Variants in GLG1 observed in about 807,000 individuals in gnomAD.
GLG1 encodes Golgi apparatus protein 1.
GLG1 carries 38 observed loss-of-function variants against 160.5 expected under a neutral mutation model. The ratio of observed to expected loss-of-function variants is 0.24; its 90% confidence interval spans 0.18 to 0.31. The LOEUF (loss-of-function observed/expected upper bound fraction) is 0.31. Among genes scored for constraint, GLG1 ranks in the 10% least tolerant of loss-of-function variants. The pLI is 1.00. For missense variants in GLG1, 1,373 were observed against 1,505.2 expected (o/e 0.91, Z 1.45); for synonymous variants, 644 against 543.4 (o/e 1.19, Z -2.57).
At chr16:74,479,147 C>T (rs1018104938) in intron 11 of GLG1, among the ~76,000 whole-genome samples, 13 of 130,596 alleles carry the variant, frequency 1.0e-4, no homozygotes, top group African/African-American at 3.8e-4. Context: ...ATCACTTGAG[C>T]CAGGAGGAAG....
At chr16:74,465,083 C>T (rs147876180) in intron 19 of GLG1, among the ~76,000 whole-genome samples, 2,230 of 152,252 alleles carry the variant, frequency 0.015, 19 homozygotes, top group Admixed American at 0.018. Context: ...AGGTGATCCT[C>T]CCGCCTTGGC....
At chr16:74,516,156 A>C (rs1436291446) in intron 2 of GLG1, among the ~76,000 whole-genome samples, 3 of 151,624 alleles carry the variant, frequency 2.0e-5, no homozygotes, top group African/African-American at 7.3e-5. Context: ...CGAGACAGAA[A>C]GTTAAGAAGG....
chr16:74,568,960 C>T (rs1161015899), intron 1 of GLG1, among the ~76,000 whole-genome samples: 1 of 152,200 alleles, frequency 6.6e-6, no homozygotes, highest in East Asian at 1.9e-4. Context: ...AAAGGGGGTA[C>T]ATACCCAAGA....
intron 11 of GLG1, among the ~76,000 whole-genome samples, chr16:74,479,073 A>T (rs865811855): frequency 6.0e-5 from 8 of 134,312 alleles, no homozygotes; most frequent in African/African-American, 2.2e-4. Context: ...AAAAAAAAAA[A>T]AAAAAGCCAG....
At chr16:74,598,926 T>C (rs1958372004) in intron 1 of GLG1, among the ~76,000 whole-genome samples, 2 of 151,642 alleles carry the variant, frequency 1.3e-5, no homozygotes, top group East Asian at 1.9e-4. Context: ...ATATAACTTA[T>C]ATAAAGAGGA....
chr16:74,453,480 G>A (rs2014407434), intron 25 of GLG1, 146 bp from the exon 26 acceptor site: 2 of 610,180 alleles, frequency 3.3e-6, no homozygotes, highest in Non-Finnish European at 5.9e-6. Flanking sequence ...AATCAACACA[G>A]AGCTACAACT....
chr16:74,571,110 T>C (rs2018814458), intron 1 of GLG1, among the ~76,000 whole-genome samples: 1 of 152,090 alleles, frequency 6.6e-6, no homozygotes, highest in Admixed American at 6.6e-5. Context: ...TCCGTATTGA[T>C]TTTTGGACCC....
intron 15 of GLG1, 96 bp from the exon 16 acceptor site, chr16:74,470,169 T>G: frequency 1.3e-6 from 1 of 769,314 alleles, no homozygotes; most frequent in South Asian, 1.4e-5. Context: ...ACAAGCCTGT[T>G]TACAAGACCC....
rs781674410 is a variant in GLG1 at position 74,467,855 on chromosome 16, G to A, written c.2437-7C>T. 5 of 1,593,150 alleles carry A rather than the reference G, an allele frequency of 3.1e-6. No individual in the cohort carries two copies. In the South Asian group the frequency reaches 5.6e-5, roughly 18 times the overall value. ...CCAAGCGGATGTCCTCCGTCTGCAT[G>A]AGGGAGCCAGCATGGAAAGGTGAGC... On this transcript the variant is annotated splice_polypyrimidine_tract_variant and splice_region_variant and intron_variant, in intron 17 of 25. Transcript: ENST00000422840.
At chr16:74,602,538 C>A (rs1958462693) in intron 1 of GLG1, among the ~76,000 whole-genome samples, 1 of 152,210 alleles carries the variant, frequency 6.6e-6, no homozygotes, top group Non-Finnish European at 1.5e-5. Flanking sequence ...AATCCCAGCA[C>A]TTTGGGAGGC....
intron 18 of GLG1, among the ~76,000 whole-genome samples, chr16:74,467,283 C>A (rs2015034055): frequency 6.6e-6 from 1 of 152,142 alleles, no homozygotes; most frequent in South Asian, 2.1e-4. Context: ...TTTTAAAAAT[C>A]ATTTGTTTGT....
chr16:74,494,287 T>C (rs1478968990), intron 6 of GLG1, among the ~76,000 whole-genome samples: 1 of 152,100 alleles, frequency 6.6e-6, no homozygotes, highest in Non-Finnish European at 1.5e-5. Flanking sequence ...TTTCTTGGTT[T>C]CAGCCAAATA....
rs905099016 is a variant in GLG1 at position 74,472,278 on chromosome 16, G to C, written c.2115+71C>G. The C allele has an allele frequency of 6.1e-6, 6 of 988,688 alleles. No individual in the cohort carries two copies. The African/African-American group carries it at 6.4e-5, about 11-fold the overall frequency. 61.2% of individuals were successfully genotyped at this position (988,688 alleles called of 1,614,324 possible). A position where few individuals can be genotyped will look rare whatever the true frequency, so the allele number is the denominator to read the frequency against. The stretch of plus-strand genomic sequence containing the variant: ...ACATGCTGCAGACAGAGGTGAGTCT[G>C]AGATACTCAGGGGAGAGTCCCTGTC... On this transcript the variant is annotated intron_variant, in intron 14 of 25. Transcript: ENST00000422840.
rs553427493 is a variant in GLG1, at chr16:74,448,055, G to T, written c.*5112C>A. 206 of 152,520 alleles carry T rather than the reference G, an allele frequency of 1.4e-3. No homozygotes were observed. The highest frequency in any genetic ancestry group is 2.0e-3 in the Non-Finnish European group (133 of 68,172). 9.4% of individuals were successfully genotyped at this position (152,520 alleles called of 1,614,324 possible). On this transcript the variant is annotated 3_prime_UTR_variant, in exon 26 of 26. Transcript: ENST00000422840. ...GATCCTGTCACCACCAGCCTGAGCAGACAGTCCCATCTTTGTGATCCAGGT... is the reference window on the plus strand; with the variant it reads ...GATCCTGTCACCACCAGCCTGAGCATACAGTCCCATCTTTGTGATCCAGGT...
intron 11 of GLG1, among the ~76,000 whole-genome samples, chr16:74,479,409 AG>A (rs1425655865): frequency 2.0e-4 from 30 of 150,980 alleles, no homozygotes; most frequent in Non-Finnish European, 1.5e-5. Context: ...GGGATGTGGG[AG>A]CCCCCATGGT....
chr16:74,459,583 T>G (rs543087664), intron 23 of GLG1, 99 bp downstream of exon 23: 3 of 678,142 alleles, frequency 4.4e-6, no homozygotes, highest in Non-Finnish European at 7.9e-6. Flanking sequence ...GTTGAGATTT[T>G]TGGTTTTATT....
At chr16:74,563,521 G>C (rs913272027) in intron 1 of GLG1, among the ~76,000 whole-genome samples, 9 of 152,094 alleles carry the variant, frequency 5.9e-5, no homozygotes, top group Admixed American at 6.5e-5. Flanking sequence ...TTGAGGTCAG[G>C]AGTTCAAGAC....
chr16:74,528,009 C>T (rs2017395932), intron 2 of GLG1, among the ~76,000 whole-genome samples: 2 of 150,974 alleles, frequency 1.3e-5, no homozygotes, highest in South Asian at 4.2e-4. Context: ...CTCAGCCTCC[C>T]GAGCAGCTGG....
intron 2 of GLG1, among the ~76,000 whole-genome samples, chr16:74,510,493 A>G (rs1392454088): frequency 6.6e-6 from 1 of 152,236 alleles, no homozygotes; most frequent in African/African-American, 2.4e-5. Flanking sequence ...AATGAGCCTT[A>G]AATTGTTCAG....
Sources: gnomAD v4.1 joint callset for allele counts (sites outside exome capture counted in the v4.1 genomes callset) on GRCh38, gnomAD v4.1.1 for gene constraint, MANE v1.5 for transcripts, NCBI Gene and HGNC (gene_info 2026-07-23, HGNC 2026-07-21) for gene names.